Variants in CDH13 observed in about 807,000 individuals in gnomAD.
The protein encoded by CDH13 is cadherin-13.
CDH13 carries 24 observed loss-of-function variants against 63.8 expected under a neutral mutation model. That is an observed-to-expected ratio of 0.38 (90% CI 0.27 to 0.53). The LOEUF (loss-of-function observed/expected upper bound fraction) is 0.53, where lower values mean the gene tolerates loss of function less well. Ranked by LOEUF, CDH13 falls within the 20% of genes least tolerant of loss-of-function variation. CDH13 has a pLI of 0.85. For synonymous variants in CDH13, 503 were observed against 355.3 expected (o/e 1.42, Z -4.67); for missense variants, 1,049 against 903.1 (o/e 1.16, Z -2.07).
At chr16:83,557,991 G>C (rs1421923900) in intron 7 of CDH13, among the ~76,000 whole-genome samples, 1 of 152,146 alleles carries the variant, frequency 6.6e-6, no homozygotes, top group South Asian at 2.1e-4. Context: ...TGTTTGCTGA[G>C]ACCTGGGGGG....
At chr16:82,689,982 T>TTAA (rs1915474757) in intron 1 of CDH13, among the ~76,000 whole-genome samples, 2 of 15,772 alleles carry the variant, frequency 1.3e-4, no homozygotes, top group Admixed American at 1.3e-3. Flanking sequence ...CCATCTCTAC[T>TTAA]AAAAAAAAAA....
At chr16:82,718,856 A>C (rs1163291262) in intron 1 of CDH13, among the ~76,000 whole-genome samples, 1 of 152,172 alleles carries the variant, frequency 6.6e-6, no homozygotes, top group African/African-American at 2.4e-5. Flanking sequence ...TTCAAGATGA[A>C]ATTTGGATGG....
intron 4 of CDH13, among the ~76,000 whole-genome samples, chr16:83,168,593 T>C (rs1392863241): frequency 6.6e-6 from 1 of 151,432 alleles, no homozygotes; most frequent in Non-Finnish European, 1.5e-5. Flanking sequence ...TTCAGTATTG[T>C]TAGTAAAATA....
At chr16:83,022,611 T>C (rs1166863518) in intron 2 of CDH13, among the ~76,000 whole-genome samples, 1 of 152,216 alleles carries the variant, frequency 6.6e-6, no homozygotes, top group East Asian at 1.9e-4. Flanking sequence ...ATGAAGATCC[T>C]GGAGGTGGAT....
At chr16:83,714,984 C>A (rs17697289) in intron 10 of CDH13, among the ~76,000 whole-genome samples, 17,525 of 152,128 alleles carry the variant, frequency 0.12, 1,167 homozygotes, top group Non-Finnish European at 0.15. Context: ...AGCTCAGGTA[C>A]TTGTTATTTG....
At chr16:83,378,317 T>C (rs1320927357) in intron 6 of CDH13, among the ~76,000 whole-genome samples, 1 of 152,144 alleles carries the variant, frequency 6.6e-6, no homozygotes, top group African/African-American at 2.4e-5. Flanking sequence ...ACCTGACCTT[T>C]CTAGCTCACA....
intron 8 of CDH13, among the ~76,000 whole-genome samples, chr16:83,602,805 C>G (rs1315299394): frequency 1.3e-5 from 2 of 152,332 alleles, no homozygotes; most frequent in Non-Finnish European, 2.9e-5. Context: ...ACGGTGAGAA[C>G]AAGAGCACTG....
intron 5 of CDH13, among the ~76,000 whole-genome samples, chr16:83,250,711 C>G (rs547137719): frequency 3.5e-4 from 53 of 152,172 alleles, no homozygotes; most frequent in African/African-American, 1.3e-3. Context: ...AAAGCAGGAC[C>G]CAGATGATAC....
At chr16:82,843,434 G>T (rs532260547) in intron 1 of CDH13, among the ~76,000 whole-genome samples, 40 of 152,310 alleles carry the variant, frequency 2.6e-4, no homozygotes, top group African/African-American at 9.4e-4. Context: ...TTAAAGAAAA[G>T]ACATGTATTC....
intron 6 of CDH13, among the ~76,000 whole-genome samples, chr16:83,364,010 C>T (rs952460008): frequency 6.6e-6 from 1 of 152,162 alleles, no homozygotes; most frequent in South Asian, 2.1e-4. Context: ...ATTCCCTCCA[C>T]ACTCACCCCT....
intron 1 of CDH13, among the ~76,000 whole-genome samples, chr16:82,755,942 G>C (rs1055173051): frequency 6.6e-6 from 1 of 152,210 alleles, no homozygotes; most frequent in Admixed American, 6.5e-5. Context: ...GGGCCAGGAA[G>C]ACTTTACATG....
At chr16:82,889,258 C>T (rs1297886840) in intron 2 of CDH13, among the ~76,000 whole-genome samples, 2 of 151,998 alleles carry the variant, frequency 1.3e-5, no homozygotes, top group Non-Finnish European at 2.9e-5. Flanking sequence ...TTAACTGTAG[C>T]ACTCTTGATT....
intron 1 of CDH13, among the ~76,000 whole-genome samples, chr16:82,797,118 A>G (rs957711435): frequency 1.6e-4 from 25 of 152,226 alleles, no homozygotes; most frequent in African/African-American, 6.0e-4. Flanking sequence ...TCTAGATGAA[A>G]TGAGGTTCTA....
At chr16:82,839,305 C>T (rs1381530483) in intron 1 of CDH13, among the ~76,000 whole-genome samples, 1 of 152,150 alleles carries the variant, frequency 6.6e-6, no homozygotes, top group African/African-American at 2.4e-5. Flanking sequence ...GAAAGGTGCC[C>T]CATTATTACT....
intron 2 of CDH13, among the ~76,000 whole-genome samples, chr16:82,933,279 A>G (rs531909369): frequency 2.6e-5 from 4 of 152,298 alleles, no homozygotes; most frequent in Admixed American, 1.3e-4. Context: ...TGTCCTTCAC[A>G]TGGCAGCAGG....
chr16:82,710,253 A>C (rs1223942005), intron 1 of CDH13, among the ~76,000 whole-genome samples: 1 of 146,352 alleles, frequency 6.8e-6, no homozygotes, highest in African/African-American at 2.5e-5. Flanking sequence ...ATATATTTAT[A>C]TAAAATATAA....
chr16:83,555,684 A>G (rs554907247), intron 7 of CDH13, among the ~76,000 whole-genome samples: 80 of 152,340 alleles, frequency 5.3e-4, no homozygotes, highest in African/African-American at 1.8e-3. Context: ...GAGAAACGCA[A>G]TCTGTTTGGG....
intron 2 of CDH13, among the ~76,000 whole-genome samples, chr16:82,927,237 T>G (rs1476585406): frequency 6.6e-6 from 1 of 152,084 alleles, no homozygotes; most frequent in African/African-American, 2.4e-5. Context: ...TTTACCATAT[T>G]TTATAGCAGT....
chr16:82,836,365 G>C (rs553296578), intron 1 of CDH13, among the ~76,000 whole-genome samples: 4 of 152,214 alleles, frequency 2.6e-5, no homozygotes, highest in Admixed American at 1.3e-4. Flanking sequence ...AAGCAGGCTG[G>C]TCTTGAACTC....
Sources: gnomAD v4.1 joint callset for allele counts (sites outside exome capture counted in the v4.1 genomes callset) on GRCh38, gnomAD v4.1.1 for gene constraint, MANE v1.5 for transcripts, NCBI Gene and HGNC (gene_info 2026-07-23, HGNC 2026-07-21) for gene names.